The following DLGAP1 variants were observed in gnomAD, a reference collection of about 807,000 sequenced individuals.
The protein encoded by DLGAP1 is disks large-associated protein 1.
DLGAP1 carries 11 observed loss-of-function variants against 90.8 expected under a neutral mutation model. The observed-to-expected ratio is 0.12, with a 90% confidence interval of 0.08 to 0.20. DLGAP1 has a LOEUF of 0.20. DLGAP1 is among the 10% of genes least tolerant of loss of function. The pLI is 1.00. For synonymous variants in DLGAP1, 558 were observed against 540.7 expected (o/e 1.03, Z -0.44); for missense variants, 1,050 against 1,333.8 (o/e 0.79, Z 3.31).
intron 1 of DLGAP1, among the ~76,000 whole-genome samples, chr18:4,318,339 G>C (rs750888536): frequency 2.0e-5 from 3 of 152,114 alleles, no homozygotes; most frequent in East Asian, 1.9e-4. Flanking sequence ...TTACAAATAC[G>C]TATAGAGAAT....
chr18:3,995,207 G>A (rs2074044514), intron 3 of DLGAP1: 2 of 150,508 alleles, frequency 1.3e-5, no homozygotes, highest in Admixed American at 1.3e-4. Flanking sequence ...ATACACTTTT[G>A]TTGCCTTAGA....
At chr18:3,554,344 G>A (rs1054880451) in intron 9 of DLGAP1, among the ~76,000 whole-genome samples, 10 of 152,288 alleles carry the variant, frequency 6.6e-5, no homozygotes, top group South Asian at 4.1e-4. Flanking sequence ...CCTATAGAGC[G>A]GTACCACTAG....
intron 1 of DLGAP1, among the ~76,000 whole-genome samples, chr18:4,374,102 C>T (rs747578462): frequency 6.6e-6 from 1 of 152,084 alleles, no homozygotes; most frequent in Non-Finnish European, 1.5e-5. Context: ...TATAATCTAA[C>T]AAAGTTACTT....
chr18:3,888,107 CAAAAAAAAAA>C lies in DLGAP1; in HGVS notation c.-72-7977_-72-7968del, dbSNP rs1164887393. Among the ~76,000 whole-genome samples, 117 of 49,388 alleles carry C rather than the reference CAAAAAAAAAA, an allele frequency of 2.4e-3. 1 individual carries two copies. Among genetic ancestry groups the C allele is most frequent in the Middle Eastern group, 0.014 (1 of 74 alleles). 32.4% of individuals were successfully genotyped at this position (49,388 alleles called of 152,430 possible). A position where few individuals can be genotyped will look rare whatever the true frequency, so the allele number is the denominator to read the frequency against. ...TGGACAACAGAGTGAGACTCCATCT[CAAAAAAAAAA>C]AAAAAAAAAAAAAAAAAGAAGTAAA... On this transcript the variant is annotated intron_variant, in intron 3 of 12. Coordinates refer to ENST00000315677, the MANE Select transcript of DLGAP1 (RefSeq NM_004746.4).
intron 1 of DLGAP1, among the ~76,000 whole-genome samples, chr18:4,292,731 G>T (rs1455732254): frequency 6.6e-6 from 1 of 152,120 alleles, no homozygotes; most frequent in Non-Finnish European, 1.5e-5. Flanking sequence ...AGGCCAGATA[G>T]AATTTCAAGG....
chr18:3,571,175 T>C (rs776327448), intron 8 of DLGAP1: 5 of 151,932 alleles, frequency 3.3e-5, no homozygotes, highest in Non-Finnish European at 5.9e-5. Context: ...GTAAATAATT[T>C]TCCATTTATT....
chr18:3,530,452 AAG>A (rs552789223), intron 10 of DLGAP1, among the ~76,000 whole-genome samples: 167 of 152,012 alleles, frequency 1.1e-3, no homozygotes, highest in Non-Finnish European at 2.0e-3. Context: ...AAAAGAAAGA[AAG>A]AGAGAGAGAG....
chr18:3,925,285 ATT>A (rs5822775), intron 3 of DLGAP1, among the ~76,000 whole-genome samples: 120 of 145,106 alleles, frequency 8.3e-4, no homozygotes, highest in African/African-American at 2.3e-3. Flanking sequence ...GATTTGTGGG[ATT>A]TTTTTTTTTT....
At chr18:3,895,424 T>G (rs1426835949) in intron 3 of DLGAP1, among the ~76,000 whole-genome samples, 1 of 152,170 alleles carries the variant, frequency 6.6e-6, no homozygotes, top group Admixed American at 6.5e-5. Flanking sequence ...CTGTATTATG[T>G]AAAATATGTC....
intron 1 of DLGAP1, among the ~76,000 whole-genome samples, chr18:4,387,942 C>A (rs1289101385): frequency 7.7e-6 from 1 of 130,508 alleles, no homozygotes; most frequent in Non-Finnish European, 1.7e-5. Context: ...CACACACACA[C>A]ACACACACAC....
At chr18:3,674,353 T>C (rs111825860) in intron 7 of DLGAP1, among the ~76,000 whole-genome samples, 19,865 of 147,472 alleles carry the variant, frequency 0.13, 2,840 homozygotes, top group African/African-American at 0.37. Flanking sequence ...GTGTGGTGGC[T>C]CATGCCTATA....
At chr18:4,064,444 T>C (rs2075343196) in intron 2 of DLGAP1, among the ~76,000 whole-genome samples, 1 of 143,938 alleles carries the variant, frequency 6.9e-6, no homozygotes, top group Non-Finnish European at 1.5e-5. Context: ...AATAGACTGC[T>C]AGCGAGACCA....
intron 1 of DLGAP1, among the ~76,000 whole-genome samples, chr18:4,427,823 G>C (rs2083190005): frequency 6.6e-6 from 1 of 152,166 alleles, no homozygotes; most frequent in African/African-American, 2.4e-5. Flanking sequence ...TTTGATTACT[G>C]ATAGGTGACT....
At chr18:3,932,405 C>T (rs2072538761) in intron 3 of DLGAP1, among the ~76,000 whole-genome samples, 1 of 152,212 alleles carries the variant, frequency 6.6e-6, no homozygotes, top group African/African-American at 2.4e-5. Flanking sequence ...AGCTCAGTGG[C>T]AGATGGGAAC....
At chr18:3,514,001 A>G (rs1255312319) in intron 10 of DLGAP1, among the ~76,000 whole-genome samples, 1 of 152,238 alleles carries the variant, frequency 6.6e-6, no homozygotes, top group Non-Finnish European at 1.5e-5. Context: ...AGTTAAAATC[A>G]GGATTACAAA....
At chr18:4,099,480 C>T (rs754700525) in intron 2 of DLGAP1, among the ~76,000 whole-genome samples, 2 of 152,130 alleles carry the variant, frequency 1.3e-5, no homozygotes, top group Non-Finnish European at 2.9e-5. Flanking sequence ...GTACACTGCA[C>T]TGTAGTTTAT....
intron 9 of DLGAP1, among the ~76,000 whole-genome samples, chr18:3,562,296 T>C (rs1204113443): frequency 1.3e-5 from 2 of 151,956 alleles, no homozygotes; most frequent in East Asian, 3.9e-4. Context: ...GGTGGAAGGA[T>C]TGCTTAGGGC....
intron 5 of DLGAP1, among the ~76,000 whole-genome samples, chr18:3,773,050 C>G (rs1364661433): frequency 1.3e-5 from 2 of 151,988 alleles, no homozygotes; most frequent in African/African-American, 2.4e-5. Flanking sequence ...TGAAAGAATA[C>G]TGGAATGAAG....
chr18:3,808,353 G>A (rs1053796569), intron 5 of DLGAP1, among the ~76,000 whole-genome samples: 2 of 152,016 alleles, frequency 1.3e-5, no homozygotes, highest in Non-Finnish European at 2.9e-5. Context: ...TGGGAGTGGG[G>A]AGTTAGAAGT....
Sources: allele counts gnomAD v4.1 joint callset (sites outside exome capture counted in the v4.1 genomes callset), GRCh38; gene constraint gnomAD v4.1.1; transcripts MANE v1.5; gene names NCBI Gene and HGNC (gene_info 2026-07-23, HGNC 2026-07-21).